The following MRPL1 variants were observed in gnomAD, a reference collection of about 807,000 sequenced individuals.
The protein encoded by MRPL1 is large ribosomal subunit protein uL1m.
A neutral mutation model predicts 38.0 loss-of-function variants in MRPL1; 28 were observed. That is an observed-to-expected ratio of 0.74 (90% confidence interval 0.55 to 1.01). MRPL1 has a LOEUF of 1.01. MRPL1 is among the 50% of genes least tolerant of loss of function. MRPL1 has a pLI of 0.00. For synonymous variants in MRPL1, 123 were observed against 126.7 expected (o/e 0.97, Z 0.20); for missense variants, 358 against 389.8 (o/e 0.92, Z 0.69).
chr4:77,903,257 C>T (rs889585289), intron 6 of MRPL1, among the ~76,000 whole-genome samples: 7 of 147,116 alleles, frequency 4.8e-5, no homozygotes, highest in Admixed American at 1.3e-4. Context: ...AAGATGAAAA[C>T]GTTGATATCA....
intron 7 of MRPL1, among the ~76,000 whole-genome samples, chr4:77,937,201 C>T (rs560662144): frequency 2.0e-5 from 3 of 152,170 alleles, no homozygotes; most frequent in Admixed American, 6.5e-5. Context: ...CAACTGTGCC[C>T]GGTACTACTT....
intron 1 of MRPL1, among the ~76,000 whole-genome samples, chr4:77,867,746 CTTT>C (rs71214374): frequency 5.3e-4 from 49 of 92,034 alleles, no homozygotes; most frequent in African/African-American, 1.9e-3. Flanking sequence ...ATAGTTATTT[CTTT>C]TTTTTTTTTT....
chr4:77,903,858 T>G (rs1302801925), intron 6 of MRPL1, among the ~76,000 whole-genome samples: 1 of 151,842 alleles, frequency 6.6e-6, no homozygotes, highest in African/African-American at 2.4e-5. Flanking sequence ...TTGAATGTAA[T>G]CCCAACCAAA....
intron 1 of MRPL1, among the ~76,000 whole-genome samples, chr4:77,866,876 T>C (rs1273161647): frequency 3.3e-5 from 5 of 151,274 alleles, no homozygotes; most frequent in Admixed American, 3.3e-4. Context: ...GCCTCCTGAA[T>C]AGCTGGGATT....
intron 5 of MRPL1, among the ~76,000 whole-genome samples, chr4:77,889,112 A>G (rs566682187): frequency 6.6e-6 from 1 of 152,356 alleles, no homozygotes; most frequent in African/African-American, 2.4e-5. Flanking sequence ...AATTGAACTC[A>G]GCTCTGCACC....
chr4:77,882,764 G>A (rs145080444), intron 2 of MRPL1, among the ~76,000 whole-genome samples: 14 of 151,936 alleles, frequency 9.2e-5, no homozygotes, highest in Non-Finnish European at 1.5e-4. Flanking sequence ...CTACTTTTTG[G>A]CTGTTATGAA....
chr4:77,863,678 G>C (rs1735058124), intron 1 of MRPL1, among the ~76,000 whole-genome samples: 1 of 152,020 alleles, frequency 6.6e-6, no homozygotes, highest in African/African-American at 2.4e-5. Flanking sequence ...TGTTGACCAG[G>C]CTAGTCTTGC....
intron 2 of MRPL1, among the ~76,000 whole-genome samples, chr4:77,877,764 C>T (rs2110232369): frequency 6.6e-6 from 1 of 151,916 alleles, no homozygotes; most frequent in East Asian, 1.9e-4. Context: ...TGGATTGGTA[C>T]AGGATACTGG....
intron 6 of MRPL1, among the ~76,000 whole-genome samples, chr4:77,907,366 C>T (rs1736179507): frequency 6.6e-6 from 1 of 152,016 alleles, no homozygotes; most frequent in Non-Finnish European, 1.5e-5. Flanking sequence ...CATTTTTCTC[C>T]TTACTATATT....
chr4:77,950,015 G>A, intron 8 of MRPL1, 137 bp downstream of exon 8: 1 of 465,020 alleles, frequency 2.2e-6, no homozygotes, highest in South Asian at 4.7e-5. Flanking sequence ...AAGTTAACAT[G>A]CAAGTTTTAT....
At chr4:77,893,826 T>A (rs1047081584) in intron 5 of MRPL1, among the ~76,000 whole-genome samples, 3 of 152,212 alleles carry the variant, frequency 2.0e-5, no homozygotes, top group African/African-American at 7.2e-5. Flanking sequence ...TGAATTTAAC[T>A]TTGTGGGATT....
chr4:77,914,707 A>ATT (rs948387655), intron 7 of MRPL1, among the ~76,000 whole-genome samples: 1 of 137,916 alleles, frequency 7.3e-6, no homozygotes, highest in Non-Finnish European at 1.6e-5. Context: ...AAGATGTGGT[A>ATT]TTTGTGTGTG....
chr4:77,872,184 G>T lies in MRPL1; in HGVS notation c.143+329G>T, dbSNP rs141464859. On this transcript the variant is annotated intron_variant, in intron 2 of 8. Transcript: ENST00000315567. ...GAGAGCTACTAAATTTTAGAGCTAG[G>T]GTTTGAATCCATGGAGTTTATTCCA... 5.3e-3 allele frequency among the ~76,000 whole-genome samples: 814 copies of T among 152,192 alleles called. 7 individuals are homozygous for T. The highest frequency in any genetic ancestry group is 0.018 in the African/African-American group (765 of 41,518).
intron 1 of MRPL1, among the ~76,000 whole-genome samples, chr4:77,871,330 A>T (rs1165711003): frequency 6.8e-6 from 1 of 147,908 alleles, no homozygotes; most frequent in Non-Finnish European, 1.5e-5. Flanking sequence ...TTTGAGATGG[A>T]GTATCACTCT....
chr4:77,862,934 T>C, intron 1 of MRPL1, 55 bp downstream of exon 1: 1 of 1,604,716 alleles, frequency 6.2e-7, no homozygotes. Context: ...AGTCTCTGGT[T>C]GCAGCAGAGT....
chr4:77,864,690 G>A (rs1281927075), intron 1 of MRPL1: 3 of 151,976 alleles, frequency 2.0e-5, no homozygotes, highest in South Asian at 2.1e-4. Context: ...CTCAGCCACC[G>A]CGAACATAGC....
chr4:77,945,128 A>AATTATTATT lies in MRPL1; in HGVS notation c.778-4634_778-4626dup, dbSNP rs3056930. Among the ~76,000 whole-genome samples, 890 of 141,080 alleles carry AATTATTATT rather than the reference A, an allele frequency of 6.3e-3. 8 individuals carry two copies. The highest frequency in any genetic ancestry group is 0.024 in the East Asian group (114 of 4,816). 92.6% of individuals were successfully genotyped at this position (141,080 alleles called of 152,430 possible). On this transcript the variant is annotated intron_variant, in intron 7 of 8. Coordinates refer to ENST00000315567, the MANE Select transcript of MRPL1 (RefSeq NM_020236.4). ...ACCCAATAAACAGAGCTGCACCATC[A>AATTATTATT]ATTATTATTATTATTATTATTATTA... is the stretch of plus-strand genomic sequence containing the variant.
At chr4:77,921,462 T>G (rs1736574802) in intron 7 of MRPL1, among the ~76,000 whole-genome samples, 1 of 152,116 alleles carries the variant, frequency 6.6e-6, no homozygotes, top group Non-Finnish European at 1.5e-5. Context: ...GAGAACAAGT[T>G]ATGAAGATAT....
chr4:77,872,849 T>C (rs1035157951), intron 2 of MRPL1, among the ~76,000 whole-genome samples: 3 of 150,376 alleles, frequency 2.0e-5, no homozygotes, highest in Non-Finnish European at 3.0e-5. Flanking sequence ...GGCGACAGAG[T>C]GAGACTCCAT....
Sources: allele counts gnomAD v4.1 joint callset (sites outside exome capture counted in the v4.1 genomes callset), GRCh38; gene constraint gnomAD v4.1.1; transcripts MANE v1.5; gene names NCBI Gene and HGNC (gene_info 2026-07-23, HGNC 2026-07-21).